FAR2: variants seen among roughly 807,000 people sequenced by gnomAD.
The protein encoded by FAR2 is fatty acyl-CoA reductase 2, also known as epididymis secretory protein Li 81.
In FAR2, 19 loss-of-function variants were observed where a neutral mutation model predicts 56.0. The ratio of observed to expected loss-of-function variants is 0.34; its 90% CI spans 0.24 to 0.50. FAR2 has a LOEUF of 0.50. Among genes scored for constraint, FAR2 ranks in the 20% least tolerant of loss-of-function variants. FAR2 has a pLI of 0.98. For missense variants in FAR2, 508 were observed against 642.2 expected (o/e 0.79, Z 2.26); for synonymous variants, 219 against 218.8 (o/e 1.00, Z -0.01).
chr12:29,239,452 C>CTGTG (rs34821915), intron 1 of FAR2, among the ~76,000 whole-genome samples: 44,273 of 147,652 alleles, frequency 0.3, 6,667 homozygotes, highest in East Asian at 0.34. Context: ...AATGAATCAA[C>CTGTG]TGTGTGTGTG....
chr12:29,184,765 G>A (rs1007314089), intron 1 of FAR2, among the ~76,000 whole-genome samples: 8 of 152,036 alleles, frequency 5.3e-5, no homozygotes, highest in African/African-American at 1.7e-4. Flanking sequence ...CCTAAAGAGG[G>A]AGTTTTTAAA....
chr12:29,239,480 G>GTGTGTGTGTGTA (rs751710237), intron 1 of FAR2, among the ~76,000 whole-genome samples: 4 of 151,626 alleles, frequency 2.6e-5, no homozygotes, highest in African/African-American at 4.9e-5. Context: ...GTGTGTGTGT[G>GTGTGTGTGTGTA]TGTATAAAAC....
intron 2 of FAR2, among the ~76,000 whole-genome samples, chr12:29,283,387 A>C (rs1948816995): frequency 6.6e-6 from 1 of 152,176 alleles, no homozygotes; most frequent in South Asian, 2.1e-4. Flanking sequence ...TATAATAGTG[A>C]AAAAATAAGA....
chr12:29,266,876 G>T (rs1484920826), intron 1 of FAR2, among the ~76,000 whole-genome samples: 1 of 152,090 alleles, frequency 6.6e-6, no homozygotes, highest in Non-Finnish European at 1.5e-5. Flanking sequence ...GCAAAACTGT[G>T]TCTGGGGTCA....
rs181944797 is a variant in FAR2 at position 29,253,712 on chromosome 12, G to C, written c.-38-16700G>C. 5.8e-3 allele frequency among the ~76,000 whole-genome samples: 884 copies of C among 152,150 alleles called. 4 individuals are homozygous for C. The highest frequency in any genetic ancestry group is 0.01 in the South Asian group (49 of 4,826). On this transcript the variant is annotated intron_variant, in intron 1 of 11. Transcript: ENST00000536681. ...GCATCAAAATTTACATTTAACTGTG[G>C]TTCTCAATATCATTTTATCATCTTC...
At chr12:29,286,056 C>T (rs899059825) in intron 2 of FAR2, among the ~76,000 whole-genome samples, 1 of 19,414 alleles carries the variant, frequency 5.2e-5, no homozygotes, top group Non-Finnish European at 1.0e-4. Flanking sequence ...TGACCCAACA[C>T]ACACACAGAC....
At chr12:29,172,618 G>A (rs976648206) in intron 1 of FAR2, among the ~76,000 whole-genome samples, 1 of 152,140 alleles carries the variant, frequency 6.6e-6, no homozygotes, top group African/African-American at 2.4e-5. Context: ...TTTTGTTCAG[G>A]ACCCAGGGCT....
intron 1 of FAR2, among the ~76,000 whole-genome samples, chr12:29,270,000 GC>G (rs1348695397): frequency 1.3e-5 from 2 of 152,166 alleles, no homozygotes; most frequent in Non-Finnish European, 2.9e-5. Flanking sequence ...CATGACCCCA[GC>G]CCTTCTCTGC....
intron 4 of FAR2, among the ~76,000 whole-genome samples, chr12:29,302,834 T>C (rs1414821891): frequency 2.0e-5 from 3 of 151,962 alleles, no homozygotes; most frequent in Non-Finnish European, 4.4e-5. Context: ...AGGAGTAGTA[T>C]GGAAGACTAG....
intron 1 of FAR2, among the ~76,000 whole-genome samples, chr12:29,248,256 G>C (rs1050652560): frequency 1.3e-5 from 2 of 152,104 alleles, no homozygotes; most frequent in African/African-American, 4.8e-5. Flanking sequence ...GTATATCGGG[G>C]AACCTGCCCC....
chr12:29,150,749 ATCCACGTCTTTACAGTAC>A (rs1359509427), intron 1 of FAR2, among the ~76,000 whole-genome samples: 4 of 152,112 alleles, frequency 2.6e-5, no homozygotes, highest in Non-Finnish European at 5.9e-5. Context: ...ATTTCTCAGG[ATCCACGTCTTTACAGTAC>A]TCTTTTCCTA....
At chr12:29,197,129 C>T (rs189169189) in intron 1 of FAR2, among the ~76,000 whole-genome samples, 14 of 152,174 alleles carry the variant, frequency 9.2e-5, no homozygotes, top group Non-Finnish European at 1.6e-4. Flanking sequence ...AATAGCATAA[C>T]GGTATTATGC....
chr12:29,326,704 A>G (rs75985411), intron 10 of FAR2, among the ~76,000 whole-genome samples: 1 of 151,990 alleles, frequency 6.6e-6, no homozygotes, highest in Admixed American at 6.6e-5. Context: ...ATTCAACAAC[A>G]CTTCATGCTA....
chr12:29,329,538 G>T (rs1949700280), intron 10 of FAR2, among the ~76,000 whole-genome samples: 1 of 152,106 alleles, frequency 6.6e-6, no homozygotes, highest in Admixed American at 6.5e-5. Context: ...ATTCTGAACA[G>T]GGCCACTTTG....
intron 1 of FAR2, among the ~76,000 whole-genome samples, chr12:29,202,252 C>T (rs1947426128): frequency 6.6e-6 from 1 of 152,124 alleles, no homozygotes; most frequent in South Asian, 2.1e-4. Context: ...CCAAAATCTA[C>T]CTGTTCAAAG....
chr12:29,276,098 G>T (rs1591919593), intron 2 of FAR2, among the ~76,000 whole-genome samples: 1 of 152,262 alleles, frequency 6.6e-6, no homozygotes, highest in South Asian at 2.1e-4. Context: ...GTGTGATAGT[G>T]GACTAGATAT....
At position 29,297,160 on chromosome 12, in the gene FAR2, C is replaced by A. The variant is rs1256753114; in HGVS notation, c.505C>A (p.Pro169Thr). 1 of 1,613,628 alleles carries A rather than the reference C, an allele frequency of 6.2e-7. No individual in the cohort carries two copies. Among genetic ancestry groups the A allele is most frequent in the African/African-American group, 1.3e-5 (1 of 74,910 alleles). The change falls in exon 4 of 12, where the codon CCG (proline) becomes ACG (threonine). Residue 169 changes from proline to threonine, a missense_variant. Pro to Thr is a conservative substitution (Grantham distance 38, BLOSUM62 -1). Coordinates refer to ENST00000536681, the MANE Select transcript of FAR2 (RefSeq NM_001271783.2). The part of the protein sequence containing the change: ...NLKHIDEVIY[P>T]CPVEPKKIID... ...GAAGCACATCGATGAAGTTATCTAT[C>A]CGTGCCCTGTGGAGCCAAAAAAAAT... is the stretch of plus-strand genomic sequence containing the variant.
intron 10 of FAR2, among the ~76,000 whole-genome samples, chr12:29,329,533 G>C (rs1949700233): frequency 6.6e-6 from 1 of 152,156 alleles, no homozygotes; most frequent in Non-Finnish European, 1.5e-5. Context: ...TCAGGATTCT[G>C]AACAGGGCCA....
chr12:29,212,829 T>G (rs1947567839), intron 1 of FAR2, among the ~76,000 whole-genome samples: 1 of 152,198 alleles, frequency 6.6e-6, no homozygotes, highest in African/African-American at 2.4e-5. Context: ...CAAACTTGGG[T>G]TTGAATTATC....
Sources: gnomAD v4.1 joint callset for allele counts (sites outside exome capture counted in the v4.1 genomes callset) on GRCh38, gnomAD v4.1.1 for gene constraint, MANE v1.5 for transcripts, NCBI Gene and HGNC (gene_info 2026-07-23, HGNC 2026-07-21) for gene names.